The following APLP1 variants were observed in gnomAD, a reference collection of about 807,000 sequenced individuals.
APLP1 encodes amyloid beta precursor like protein 1.
A neutral mutation model predicts 84.5 loss-of-function variants in APLP1; 46 were observed. That is an observed-to-expected ratio of 0.54 (90% CI 0.43 to 0.70). APLP1 has a LOEUF of 0.70. APLP1 is among the 30% of genes least tolerant of loss of function. The probability of loss-of-function intolerance (pLI) is 0.00; values close to 1 mark genes in which losing one functional copy is unlikely to be tolerated. For synonymous variants in APLP1, 376 were observed against 364.0 expected, an observed-to-expected ratio of 1.03 and a Z score of -0.38; for missense variants, 826 against 900.2, an observed-to-expected ratio of 0.92 and a Z score of 1.05.
Position 35,874,478 on chromosome 19 carries a change from T to C in APLP1, c.1057-26T>C. On this transcript the variant is annotated intron_variant, in intron 8 of 16. Transcript: ENST00000221891. This position sits in a 1 kb window ranked among gnomAD's most constrained non-coding sequence, Gnocchi z 6.4. ...GGCTTTGACCCATCTTCTCCTCTCC[T>C]GACCCTGTGCCCACCCGCTCCCCAG... is the stretch of plus-strand genomic sequence containing the variant. 1 of 1,613,176 alleles carries C rather than the reference T, an allele frequency of 6.2e-7. No individual in the cohort carries two copies. Among genetic ancestry groups the C allele is most frequent in the Non-Finnish European group, 8.5e-7 (1 of 1,179,278 alleles).
At chr19:35,869,318 T>C in intron 1 of APLP1, 2 of 536,644 alleles carry the variant, frequency 3.7e-6, no homozygotes, top group South Asian at 5.0e-5. Flanking sequence ...GAGCAAGGGA[T>C]GGAGGGAGGA....
chr19:35,878,724 A>G lies in APLP1; in HGVS notation c.1650+70A>G, dbSNP rs57911093. On this transcript the variant is annotated intron_variant, in intron 14 of 16. Coordinates refer to ENST00000221891, the MANE Select transcript of APLP1 (RefSeq NM_001024807.3). ...GGGCCTATATGGCTGGGTACGAGGG[A>G]GGAGATGCTGGGGGCTTGGATTCCT... The G allele has an allele frequency of 3.1e-3, 4,830 of 1,578,654 alleles. 119 individuals carry two copies. In the East Asian group the frequency reaches 0.073, roughly 24 times the overall value.
chr19:35,869,300 G>T (rs768954898), intron 1 of APLP1: 6 of 525,892 alleles, frequency 1.1e-5, no homozygotes, highest in Non-Finnish European at 2.0e-5. Context: ...ATCCTGCAAC[G>T]GGAGCCTGAG....
chr19:35,876,389 C>T (rs891627970), intron 10 of APLP1, 128 bp from the exon 11 acceptor site: 3 of 772,444 alleles, frequency 3.9e-6, no homozygotes, highest in African/African-American at 3.4e-5. Flanking sequence ...ACCCTTGTAC[C>T]ACACATCCTG....
At chr19:35,870,696 A>G in intron 2 of APLP1, 200 bp from the exon 3 acceptor site, 1 of 640,448 alleles carries the variant, frequency 1.6e-6, no homozygotes, top group Non-Finnish European at 2.5e-6. Context: ...AGACAGGAGA[A>G]TCGCTTGAAC....
chr19:35,869,649 C>T lies in APLP1; in HGVS notation c.148-18C>T. Reference sequence around the variant, plus strand: ...CAACGCCCCCCGAGCCCTCACTGTCCTTTCCACTTCCATCCAGGCCCCGGG... The same window carrying T: ...CAACGCCCCCCGAGCCCTCACTGTCTTTTCCACTTCCATCCAGGCCCCGGG... On this transcript the variant is annotated intron_variant, in intron 1 of 16. Transcript: ENST00000221891. 2 of 1,610,646 alleles carry T rather than the reference C, an allele frequency of 1.2e-6. No individual in the cohort carries two copies. Among genetic ancestry groups the T allele is most frequent in the South Asian group, 2.2e-5 (2 of 90,954 alleles).
intron 1 of APLP1, chr19:35,869,386 G>C: frequency 3.2e-6 from 2 of 620,002 alleles, no homozygotes; most frequent in Non-Finnish European, 5.7e-6. Context: ...TAACCCCTTC[G>C]GGCTCCAGAG....
chr19:35,871,018 C>T lies in APLP1; in HGVS notation c.414C>T (p.Phe138=). 1.3e-6 allele frequency: 2 copies of T among 1,531,954 alleles called. No homozygotes were observed. Among genetic ancestry groups the T allele is most frequent in the Non-Finnish European group, 1.8e-6 (2 of 1,139,364 alleles). 94.9% of individuals were successfully genotyped at this position (1,531,954 alleles called of 1,614,324 possible). Residue 138 remains phenylalanine (F), a synonymous_variant, in exon 3 of 17, where the codon TTC becomes TTT. Coordinates refer to ENST00000221891, the MANE Select transcript of APLP1 (RefSeq NM_001024807.3). ...ACCCCCACCACCAGGTTGTGCCCTTCCGCTGCCTGCGTGAGTCCCAGGCGG... is the reference window on the plus strand; with the variant it reads ...ACCCCCACCACCAGGTTGTGCCCTTTCGCTGCCTGCGTGAGTCCCAGGCGG... ...CAHPHHQVVP[F]RCLPGEFVSE... is the part of the protein sequence containing the mutation.
In APLP1 at chr19:35,871,881, C is replaced by T. The variant is rs1171874331; in HGVS notation, c.695C>T (p.Pro232Leu). 6.2e-7 allele frequency: 1 copy of T among 1,613,950 alleles called. No homozygotes were observed. The highest frequency in any genetic ancestry group is 1.3e-5 in the African/African-American group (1 of 74,920). ...AGTGACCCCTCCACCCGGTCCTGGC[C>T]CCCGGGGAGCAGAGTAGAGGGGGCT... The part of the protein sequence containing the change: ...AVGDPSTRSW[P>L]PGSRVEGAED... The change falls in exon 6 of 17, where the codon CCC becomes CTC. Residue 232 changes from proline to leucine, a missense_variant. Pro to Leu is a moderately conservative substitution (Grantham distance 98). This residue lies in a region of APLP1 where 383 missense variants were observed against 378.3 expected (regional missense o/e 1.01). Transcript: ENST00000221891.
In APLP1 at chr19:35,874,594, C is replaced by T. The variant is rs1270729685; in HGVS notation, c.1147C>T (p.Leu383Phe). 1 of 1,614,122 alleles carries T rather than the reference C, an allele frequency of 6.2e-7. No homozygotes were observed. Among genetic ancestry groups the T allele is most frequent in the Non-Finnish European group, 8.5e-7 (1 of 1,180,050 alleles). Residue 383 changes from leucine to phenylalanine, a missense_variant, in exon 9 of 17, where the codon CTT becomes TTT. Around this residue, in one of 3 missense-constraint regions of APLP1, gnomAD observed 433 missense variants for 496.5 expected, o/e 0.87. Coordinates refer to ENST00000221891, the MANE Select transcript of APLP1 (RefSeq NM_001024807.3). This position sits in a 1 kb window ranked among gnomAD's most constrained non-coding sequence, Gnocchi z 6.4. ...AACCCACGCCACCCGCGTCATCGCC[C>T]TTATCAACGACCAGCGCCGGGCTGC... ...VETHATRVIA[L>F]INDQRRAALE...
At chr19:35,870,239 G>A in intron 2 of APLP1, 1 of 214,862 alleles carries the variant, frequency 4.7e-6, no homozygotes. Flanking sequence ...AAAAGGCGGG[G>A]CCTAAAGGAG....
At chr19:35,876,074 C>T (rs953704213) in intron 10 of APLP1, among the ~76,000 whole-genome samples, 17 of 152,218 alleles carry the variant, frequency 1.1e-4, no homozygotes, top group African/African-American at 2.2e-4. Flanking sequence ...CGCGCCCGGT[C>T]GAGAATCTCC....
Position 35,874,676 on chromosome 19 carries a change from G to C in APLP1, c.1215+14G>C. On this transcript the variant is annotated intron_variant, in intron 9 of 16. Coordinates refer to ENST00000221891, the MANE Select transcript of APLP1 (RefSeq NM_001024807.3). The surrounding 1 kb of genome is among the most constrained non-coding windows in gnomAD (Gnocchi z 6.4). The stretch of plus-strand genomic sequence containing the variant: ...GATCCGCCTCAGGTGCGGGGACCGT[G>C]GGGGCAGAGAGCAGAGGGTGAGAAG... The C allele has an allele frequency of 6.2e-7, 1 of 1,613,342 alleles. No individual in the cohort carries two copies. The highest frequency in any genetic ancestry group is 2.2e-5 in the East Asian group (1 of 44,868).
chr19:35,878,113 G>A lies in APLP1; in HGVS notation c.1579+5G>A. The A allele has an allele frequency of 6.2e-7, 1 of 1,612,286 alleles. No individual in the cohort carries two copies. Among genetic ancestry groups the A allele is most frequent in the Non-Finnish European group, 8.5e-7 (1 of 1,179,280 alleles). On this transcript the variant is annotated splice_donor_5th_base_variant and intron_variant, in intron 13 of 16. Coordinates refer to ENST00000221891, the MANE Select transcript of APLP1 (RefSeq NM_001024807.3). ...CCCCCATGACCCTTCCAAAAGGTGAGTGTCTCACAGTTAACCCCAGCCTCC... is the reference window on the plus strand; with the variant it reads ...CCCCCATGACCCTTCCAAAAGGTGAATGTCTCACAGTTAACCCCAGCCTCC...
In APLP1 at chr19:35,869,684, G is replaced by C. The variant is rs1183357488; in HGVS notation, c.165G>C (p.Gln55His). 6.2e-7 allele frequency: 1 copy of C among 1,611,400 alleles called. No individual in the cohort carries two copies. Among genetic ancestry groups the C allele is most frequent in the East Asian group, 2.2e-5 (1 of 44,836 alleles). Residue 55 changes from glutamine (Q) to histidine (H), a missense_variant, in exon 2 of 17, where the codon CAG (glutamine) becomes CAC (histidine). This residue lies in a region of APLP1 where 383 missense variants were observed against 378.3 expected (regional missense o/e 1.01). Transcript: ENST00000221891. ...PGAAEAPGSAQVAGLCGRLTL... is the reference protein window; with the variant it reads ...PGAAEAPGSAHVAGLCGRLTL... ...CCATCCAGGCCCCGGGGTCGGCCCAGGTGGCTGGACTATGCGGGCGCCTAA... is the reference window on the plus strand; with the variant it reads ...CCATCCAGGCCCCGGGGTCGGCCCACGTGGCTGGACTATGCGGGCGCCTAA...
Position 35,870,914 on chromosome 19 carries a change from A to G in APLP1, c.310A>G (p.Ile104Val), listed in dbSNP as rs1041364014. 6.2e-7 allele frequency: 1 copy of G among 1,604,882 alleles called. No individual in the cohort carries two copies. The highest frequency in any genetic ancestry group is 1.7e-5 in the Admixed American group (1 of 58,592). Residue 104 changes from isoleucine (I) to valine (V), a missense_variant, in exon 3 of 17, where the codon ATT (isoleucine) becomes GTT (valine). By Grantham distance (29) the Ile-to-Val change is conservative. Transcript: ENST00000221891. ...CCCCCAGATGTACCCGGAGCTGCAG[A>G]TTGCACGTGTGGAGCAGGCTACGCA... is the stretch of plus-strand genomic sequence containing the variant. The part of the protein sequence containing the change: ...YCRQMYPELQ[I>V]ARVEQATQAI...
chr19:35,871,548 C>G, intron 4 of APLP1, 64 bp from the exon 5 acceptor site: 1 of 1,599,078 alleles, frequency 6.3e-7, no homozygotes, highest in Non-Finnish European at 8.5e-7. Context: ...ACCCTGGCAG[C>G]CCAGTTCCCC....
At chr19:35,877,644 G>C in intron 11 of APLP1, 74 bp from the exon 12 acceptor site, 1 of 957,432 alleles carries the variant, frequency 1.0e-6, no homozygotes, top group Non-Finnish European at 1.6e-6. Flanking sequence ...TCTCCCACTT[G>C]CTCTACTGGT....
chr19:35,871,188 G>T (rs1367503492), intron 3 of APLP1, 49 bp from the exon 4 acceptor site: 1 of 1,581,518 alleles, frequency 6.3e-7, no homozygotes, highest in Non-Finnish European at 8.6e-7. Flanking sequence ...AGGAGGGTGG[G>T]GTTGGTGGCT....
Sources: gnomAD v4.1 joint callset for allele counts (sites outside exome capture counted in the v4.1 genomes callset) on GRCh38, gnomAD v4.1.1 for gene constraint, gnomAD v4.1.1 regional missense constraint, Gnocchi (gnomAD v3.1) non-coding constraint, MANE v1.5 for transcripts, NCBI Gene and HGNC (gene_info 2026-07-23, HGNC 2026-07-21) for gene names.